ARHGAP10: variants seen among roughly 807,000 people sequenced by gnomAD.
ARHGAP10 encodes the protein rho GTPase-activating protein 10.
Under a neutral mutation model 108.6 loss-of-function variants are expected in ARHGAP10, and 87 were observed. The ratio of observed to expected loss-of-function variants is 0.80; its 90% CI spans 0.67 to 0.96. ARHGAP10 has a LOEUF of 0.96. ARHGAP10 is among the 40% of genes least tolerant of loss of function. The probability of loss-of-function intolerance (pLI) is 0.00; values close to 1 mark genes in which losing one functional copy is unlikely to be tolerated. For missense variants in ARHGAP10, 939 were observed against 954.5 expected, an observed-to-expected ratio of 0.98 and a Z score of 0.21; for synonymous variants, 347 against 341.1, an observed-to-expected ratio of 1.02 and a Z score of -0.19.
intron 10 of ARHGAP10, among the ~76,000 whole-genome samples, chr4:147,899,217 C>T (rs375626852): frequency 6.6e-6 from 1 of 152,164 alleles, no homozygotes; most frequent in South Asian, 2.1e-4. Flanking sequence ...CTGTGTTCTA[C>T]CTTTAAAATT....
intron 21 of ARHGAP10, among the ~76,000 whole-genome samples, chr4:148,064,086 G>T (rs1309666719): frequency 6.6e-6 from 1 of 152,206 alleles, no homozygotes; most frequent in African/African-American, 2.4e-5. Context: ...CAACTGAAGT[G>T]CTTGGAGATA....
At chr4:147,887,430 T>C (rs1735616880) in intron 10 of ARHGAP10, among the ~76,000 whole-genome samples, 1 of 60,872 alleles carries the variant, frequency 1.6e-5, no homozygotes, top group Non-Finnish European at 4.6e-5. Flanking sequence ...AATGCTCTTA[T>C]TTCATTCATC....
chr4:147,914,004 T>C (rs1439542363), intron 13 of ARHGAP10, among the ~76,000 whole-genome samples: 1 of 151,972 alleles, frequency 6.6e-6, no homozygotes, highest in African/African-American at 2.4e-5. Flanking sequence ...AATACAAAAA[T>C]TAGCTGGGTG....
At position 147,946,625 on chromosome 4, in the gene ARHGAP10, A is replaced by G; in HGVS notation, c.1312A>G (p.Thr438Ala). 1 of 1,612,450 alleles carries G rather than the reference A, an allele frequency of 6.2e-7. No individual in the cohort carries two copies. Among genetic ancestry groups the G allele is most frequent in the Non-Finnish European group, 8.5e-7 (1 of 1,179,478 alleles). ...RLLSMLMDVKTCNEVDLENSA... is the reference protein window; with the variant it reads ...RLLSMLMDVKACNEVDLENSA... Reference sequence around the variant, plus strand: ...GTTTGCTTGCTCACTAGATGTAAAAACATGCAATGAGGTGGACCTGGAGAA... The same window carrying G: ...GTTTGCTTGCTCACTAGATGTAAAAGCATGCAATGAGGTGGACCTGGAGAA... Residue 438 changes from threonine (T) to alanine (A), a missense_variant, in exon 15 of 23, where the codon ACA becomes GCA. Thr to Ala is a moderately conservative substitution (Grantham distance 58). Transcript: ENST00000336498.
intron 6 of ARHGAP10, chr4:147,866,028 G>A (rs182249975): frequency 2.4e-4 from 36 of 152,342 alleles, no homozygotes; most frequent in East Asian, 1.7e-3. Flanking sequence ...CATGGCTGAC[G>A]TTGGGAATGG....
At chr4:147,744,313 T>C (rs1728813545) in intron 1 of ARHGAP10, among the ~76,000 whole-genome samples, 1 of 150,692 alleles carries the variant, frequency 6.6e-6, no homozygotes, top group African/African-American at 2.5e-5. Context: ...GAGCACATCC[T>C]GTGGATGGAA....
At chr4:147,779,468 T>A (rs1373504626) in intron 1 of ARHGAP10, among the ~76,000 whole-genome samples, 3 of 151,632 alleles carry the variant, frequency 2.0e-5, no homozygotes, top group Non-Finnish European at 4.4e-5. Flanking sequence ...TGGGGAAGGG[T>A]CCTGAGGGGG....
At chr4:148,069,604 G>C (rs538416921) in intron 22 of ARHGAP10, among the ~76,000 whole-genome samples, 1 of 152,184 alleles carries the variant, frequency 6.6e-6, no homozygotes, top group East Asian at 1.9e-4. Flanking sequence ...GTGTGTATAG[G>C]GTAGGAGGAG....
intron 13 of ARHGAP10, among the ~76,000 whole-genome samples, chr4:147,917,996 G>A (rs1438243179): frequency 6.6e-6 from 1 of 152,026 alleles, no homozygotes; most frequent in African/African-American, 2.4e-5. Context: ...GTTTTGTTTG[G>A]TTACGGTATC....
rs189548994 is a variant in ARHGAP10, at chr4:147,933,991, C to T, written c.1229-5834C>T. 2.8e-3 allele frequency among the ~76,000 whole-genome samples: 422 copies of T among 152,276 alleles called. 2 individuals carry two copies. The highest frequency in any genetic ancestry group is 3.4e-3 in the Admixed American group (52 of 15,310). On this transcript the variant is annotated intron_variant, in intron 13 of 22. Coordinates refer to ENST00000336498, the MANE Select transcript of ARHGAP10 (RefSeq NM_024605.4). The stretch of plus-strand genomic sequence containing the variant: ...AAGCCCATCTGGAAGCCTCAGGCTC[C>T]CAGGCTGCGAGACATGGGTGAGTTT...
chr4:148,002,823 G>GC (rs1740781075), intron 18 of ARHGAP10, among the ~76,000 whole-genome samples: 1 of 151,908 alleles, frequency 6.6e-6, no homozygotes, highest in African/African-American at 2.4e-5. Context: ...TATTAGTCTT[G>GC]CTAGTGGTCT....
At chr4:147,933,150 T>G (rs1251111300) in intron 13 of ARHGAP10, among the ~76,000 whole-genome samples, 1 of 152,224 alleles carries the variant, frequency 6.6e-6, no homozygotes, top group Non-Finnish European at 1.5e-5. Context: ...TTCATCACTT[T>G]AGGGTTGGTC....
At chr4:147,888,990 G>A (rs1452759070) in intron 10 of ARHGAP10, among the ~76,000 whole-genome samples, 1 of 152,196 alleles carries the variant, frequency 6.6e-6, no homozygotes, top group African/African-American at 2.4e-5. Context: ...AATTCCATGA[G>A]GGTAGGAACA....
intron 22 of ARHGAP10, among the ~76,000 whole-genome samples, chr4:148,070,125 A>T (rs1010055040): frequency 1.3e-5 from 2 of 152,206 alleles, no homozygotes; most frequent in Admixed American, 1.3e-4. Flanking sequence ...ATGCTCTCAT[A>T]GTCTGGACTA....
At chr4:147,916,238 G>C (rs574826058) in intron 13 of ARHGAP10, among the ~76,000 whole-genome samples, 1 of 152,048 alleles carries the variant, frequency 6.6e-6, no homozygotes, top group African/African-American at 2.4e-5. Context: ...CATATGGTTC[G>C]GTTAAAGCCA....
At chr4:148,053,943 T>C (rs761032993) in intron 20 of ARHGAP10, among the ~76,000 whole-genome samples, 1 of 152,242 alleles carries the variant, frequency 6.6e-6, no homozygotes, top group Non-Finnish European at 1.5e-5. Flanking sequence ...CATGTAACTT[T>C]AAAGCCCTAC....
intron 1 of ARHGAP10, among the ~76,000 whole-genome samples, chr4:147,780,947 G>A (rs1290276815): frequency 6.6e-6 from 1 of 152,120 alleles, no homozygotes; most frequent in Non-Finnish European, 1.5e-5. Context: ...CCACTTTTGG[G>A]AGAATGAGAG....
intron 13 of ARHGAP10, among the ~76,000 whole-genome samples, chr4:147,924,156 CTTAT>C (rs766268234): frequency 2.6e-5 from 4 of 152,144 alleles, no homozygotes; most frequent in Non-Finnish European, 5.9e-5. Context: ...AATTAGTAAT[CTTAT>C]TTGTTTTAAG....
chr4:147,893,517 AAT>A (rs776406707), intron 10 of ARHGAP10, among the ~76,000 whole-genome samples: 40 of 147,546 alleles, frequency 2.7e-4, no homozygotes, highest in Non-Finnish European at 5.1e-4. Flanking sequence ...GTATAATAAG[AAT>A]ATATATATTT....
Sources: gnomAD v4.1 joint callset for allele counts (sites outside exome capture counted in the v4.1 genomes callset) on GRCh38, gnomAD v4.1.1 for gene constraint, MANE v1.5 for transcripts, NCBI Gene and HGNC (gene_info 2026-07-23, HGNC 2026-07-21) for gene names.